BFSP1: variants seen among roughly 807,000 people sequenced by gnomAD.
BFSP1 encodes the protein beaded filament structural protein 1, also known as filensin.
A neutral mutation model predicts 43.9 loss-of-function variants in BFSP1; 38 were observed. That is an observed-to-expected ratio of 0.87 (90% CI 0.67 to 1.14). The LOEUF (loss-of-function observed/expected upper bound fraction) is 1.14. Among genes scored for constraint, BFSP1 ranks in the 50% most tolerant of loss-of-function variants. BFSP1 has a pLI of 0.00. For synonymous variants in BFSP1, 352 were observed against 354.8 expected (o/e 0.99, Z 0.09); for missense variants, 850 against 875.1 (o/e 0.97, Z 0.36).
At chr20:17,539,770 A>T (rs2034686976) in intron 1 of BFSP1, among the ~76,000 whole-genome samples, 1 of 152,098 alleles carries the variant, frequency 6.6e-6, no homozygotes, top group Non-Finnish European at 1.5e-5. Context: ...TATCTCAAAA[A>T]AAAAGACAAA....
chr20:17,514,943 G>C (rs2034165980), intron 2 of BFSP1, 127 bp from the exon 3 acceptor site: 1 of 787,238 alleles, frequency 1.3e-6, no homozygotes, highest in South Asian at 1.5e-5. Flanking sequence ...CAGTAGGTCT[G>C]GGAGGGGTCT....
chr20:17,546,024 TC>T (rs2034795341), intron 1 of BFSP1, among the ~76,000 whole-genome samples: 1 of 152,192 alleles, frequency 6.6e-6, no homozygotes, highest in Non-Finnish European at 1.5e-5. Flanking sequence ...TTGAATTCTT[TC>T]CTGTGCGAGA....
chr20:17,500,441 C>A (rs2033769061), intron 5 of BFSP1, among the ~76,000 whole-genome samples: 1 of 152,182 alleles, frequency 6.6e-6, no homozygotes, highest in Non-Finnish European at 1.5e-5. Context: ...CAACCGCAGC[C>A]ATCCTAGGGC....
At chr20:17,566,272 T>G (rs373382561) in intron 1 of BFSP1, among the ~76,000 whole-genome samples, 106 of 152,304 alleles carry the variant, frequency 7.0e-4, no homozygotes, top group African/African-American at 2.5e-3. Context: ...CCCCAGCCTA[T>G]CTATTAATAC....
rs537903745 is a variant in BFSP1, at chr20:17,494,886, C to T, written c.1186G>A (p.Asp396Asn). The T allele has an allele frequency of 6.2e-7, 1 of 1,614,170 alleles. No homozygotes were observed. Among genetic ancestry groups the T allele is most frequent in the Admixed American group, 1.7e-5 (1 of 60,012 alleles). Residue 396 changes from aspartate to asparagine, a missense_variant, in exon 8 of 8, where the codon GAC (aspartate) becomes AAC (asparagine). Physicochemically the swap from Asp to Asn is conservative, Grantham distance 23. Coordinates refer to ENST00000377873, the MANE Select transcript of BFSP1 (RefSeq NM_001195.5). ...AGTACCACCTGTACCAGCTTTGTGT[C>T]TTCCAAACCTTTTAATGGTGCATCT... ...LEDAPLKGLE[D>N]TKLVQVVLKE...
upstream of BFSP1, chr20:17,563,009 G>A (rs1382821496): frequency 6.6e-6 from 1 of 152,246 alleles, no homozygotes; most frequent in East Asian, 1.9e-4. Context: ...CACAAGTGCT[G>A]TGTCATGCGG....
At position 17,531,179 on chromosome 20, in the gene BFSP1, C is replaced by A; in HGVS notation, c.151G>T (p.Val51Leu). Residue 51 changes from valine to leucine, a missense_variant, in exon 1 of 8, where the codon GTG becomes TTG. By Grantham distance (32) the Val-to-Leu change is conservative. Coordinates refer to ENST00000377873, the MANE Select transcript of BFSP1 (RefSeq NM_001195.5). Reference sequence around the variant, plus strand: ...CGGGCCCGCTGGACGTGGGCGGCCACGCGCTCGCCGAGCCCCTGCAGCGCC... The same window carrying A: ...CGGGCCCGCTGGACGTGGGCGGCCAAGCGCTCGCCGAGCCCCTGCAGCGCC... ...LAALQGLGER[V>L]AAHVQRARAL... is the part of the protein sequence containing the mutation. 7.8e-7 allele frequency: 1 copy of A among 1,289,616 alleles called. No homozygotes were observed. The highest frequency in any genetic ancestry group is 9.8e-7 in the Non-Finnish European group (1 of 1,021,126). The allele number at this position is 1,289,616 out of a possible 1,614,324, so 79.9% of individuals were successfully genotyped here. A position where few individuals can be genotyped will look rare whatever the true frequency, so the allele number is the denominator to read the frequency against.
At chr20:17,560,892 C>T (rs2035061261), upstream of BFSP1, 1 of 152,208 alleles carries the variant, frequency 6.6e-6, no homozygotes, top group African/African-American at 2.4e-5. Flanking sequence ...CTGACTGTCA[C>T]TTTCCTCCCT....
At chr20:17,506,444 CTGAG>C (rs1290045780) in intron 5 of BFSP1, among the ~76,000 whole-genome samples, 3 of 152,028 alleles carry the variant, frequency 2.0e-5, no homozygotes, top group African/African-American at 2.4e-5. Flanking sequence ...TAGCTTGTTA[CTGAG>C]TGAGTATAAG....
rs1369030671 is a variant in BFSP1, at chr20:17,531,298, C to A, written c.32G>T (p.Arg11Leu). Residue 11 changes from arginine (R) to leucine (L), a missense_variant, in exon 1 of 8, where the codon CGC becomes CTC. Arg to Leu is a moderately radical substitution (Grantham distance 102). Transcript: ENST00000377873. ...GTCGGCGTGCTCGTACTGCTCCTTG[C>A]GGGTCTGGAAGACGTAGCTGCGCCG... MYRRSYVFQT[R>L]KEQYEHADEA... 12 of 1,473,408 alleles carry A rather than the reference C, an allele frequency of 8.1e-6. No individual in the cohort carries two copies. The highest frequency in any genetic ancestry group is 2.3e-5 in the Admixed American group (1 of 42,588). 91.3% of individuals were successfully genotyped at this position (1,473,408 alleles called of 1,614,324 possible). A position where few individuals can be genotyped will look rare whatever the true frequency, so the allele number is the denominator to read the frequency against.
chr20:17,505,401 G>A (rs781028516), intron 5 of BFSP1, among the ~76,000 whole-genome samples: 2 of 152,216 alleles, frequency 1.3e-5, no homozygotes, highest in Non-Finnish European at 2.9e-5. Flanking sequence ...CCCCGCTGCT[G>A]GGACGGGGAC....
intron 2 of BFSP1, chr20:17,517,450 A>G: frequency 1.7e-6 from 1 of 596,894 alleles, no homozygotes; most frequent in Non-Finnish European, 3.0e-6. Flanking sequence ...CGCCCAGCTA[A>G]TTTTTCTATT....
At chr20:17,528,014 T>A (rs1046493354) in intron 1 of BFSP1, among the ~76,000 whole-genome samples, 7 of 152,216 alleles carry the variant, frequency 4.6e-5, no homozygotes, top group Non-Finnish European at 1.0e-4. Flanking sequence ...GTAGAGACTA[T>A]GCCTAGCACT....
exon 1 of BFSP1, chr20:17,558,950 C>A: frequency 2.6e-6 from 1 of 381,662 alleles, no homozygotes. Context: ...CCACTTCCAG[C>A]ATGGAAAATT....
At chr20:17,503,893 A>G (rs1600638753) in intron 5 of BFSP1, among the ~76,000 whole-genome samples, 2 of 152,174 alleles carry the variant, frequency 1.3e-5, no homozygotes, top group East Asian at 3.9e-4. Flanking sequence ...GCAAAGTTTT[A>G]AACTGTAAAT....
intron 1 of BFSP1, among the ~76,000 whole-genome samples, chr20:17,553,862 CATATATATACAT>C (rs1173806532): frequency 1.1e-5 from 1 of 92,772 alleles, no homozygotes; most frequent in Non-Finnish European, 2.1e-5. Flanking sequence ...TATATATACA[CATATATATACAT>C]ATATATATAT....
rs781553342 is a variant in BFSP1, at chr20:17,494,083, C to A, written c.1989G>T (p.Lys663Asn). The A allele has an allele frequency of 1.9e-6, 3 of 1,612,096 alleles. No individual in the cohort carries two copies. The South Asian group carries it at 3.3e-5, about 18-fold the overall frequency. Residue 663 changes from lysine (K) to asparagine (N), a missense_variant, in exon 8 of 8, where the codon AAG becomes AAT. By Grantham distance (94) the Lys-to-Asn change is moderately conservative (BLOSUM62 0). Transcript: ENST00000377873. ...ATCAAGCCTGGGCATTTTAAGAGCT[C>A]TTCTCTCCTGATTTCTTCTTGTCTG... is the stretch of plus-strand genomic sequence containing the variant. ...TKSDKKKSGE[K>N]SS
chr20:17,541,426 C>T (rs1393050029), intron 1 of BFSP1, among the ~76,000 whole-genome samples: 1 of 152,038 alleles, frequency 6.6e-6, no homozygotes, highest in Non-Finnish European at 1.5e-5. Context: ...AGTAGCAGTC[C>T]AAAATTGAAA....
Position 17,546,508 on chromosome 20 carries a change from C to T in BFSP1, c.2+12180G>A, listed in dbSNP as rs2034803130. Among the ~76,000 whole-genome samples, 3 of 152,136 alleles carry T rather than the reference C, an allele frequency of 2.0e-5. No individual in the cohort carries two copies. The South Asian group carries it at 6.2e-4, about 32-fold the overall frequency. On this transcript the variant is annotated intron_variant, in intron 1 of 7. Coordinates refer to the BFSP1 transcript ENST00000377868. ...CTGAAGACAGGAGTTTGAGACCAGC[C>T]TGGACCAACATGTTGAAACCCCGTT...
Sources: gnomAD v4.1 joint callset for allele counts (sites outside exome capture counted in the v4.1 genomes callset) on GRCh38, gnomAD v4.1.1 for gene constraint, MANE v1.5 for transcripts, NCBI Gene and HGNC (gene_info 2026-07-23, HGNC 2026-07-21) for gene names.